Variants in ERMP1 observed in about 807,000 individuals in gnomAD.
ERMP1 encodes Felix-ina.
ERMP1 carries 86 observed loss-of-function variants against 92.0 expected under a neutral mutation model. The observed-to-expected ratio is 0.93, with a 90% CI of 0.79 to 1.12. ERMP1 has a LOEUF of 1.12. ERMP1 is among the 50% of genes most tolerant of loss of function. ERMP1 has a pLI of 0.00. For synonymous variants in ERMP1, 530 were observed against 412.8 expected (o/e 1.28, Z -3.44); for missense variants, 1,342 against 1,116.3 (o/e 1.20, Z -2.88).
At chr9:5,791,311 G>T (rs754156493) in intron 13 of ERMP1, 1 of 456,322 alleles carries the variant, frequency 2.2e-6, no homozygotes, top group East Asian at 6.9e-5. Context: ...GTATGAGACT[G>T]AAGGCAGTCT....
intron 6 of ERMP1, among the ~76,000 whole-genome samples, chr9:5,841,483 G>A (rs923093989): frequency 2.0e-5 from 3 of 152,196 alleles, no homozygotes; most frequent in African/African-American, 4.8e-5. Context: ...AAAAGGTATG[G>A]GGTTTCCTTT....
At chr9:5,842,118 A>G (rs1586835386) in intron 6 of ERMP1, among the ~76,000 whole-genome samples, 1 of 152,202 alleles carries the variant, frequency 6.6e-6, no homozygotes, top group Non-Finnish European at 1.5e-5. Context: ...CAGAAAGAAC[A>G]AAGCCTCCAC....
At chr9:5,855,290 A>G (rs930138594) in intron 6 of ERMP1, among the ~76,000 whole-genome samples, 2 of 152,230 alleles carry the variant, frequency 1.3e-5, no homozygotes, top group African/African-American at 4.8e-5. Flanking sequence ...GTGAAAGATG[A>G]ACTGTGGACA....
intron 6 of ERMP1, among the ~76,000 whole-genome samples, chr9:5,839,595 T>A (rs1398997002): frequency 6.6e-6 from 1 of 152,184 alleles, no homozygotes; most frequent in East Asian, 1.9e-4. Context: ...TCAGCACATC[T>A]AGGTGTGCGC....
chr9:5,838,243 C>T (rs988560672), intron 6 of ERMP1, among the ~76,000 whole-genome samples: 2 of 151,978 alleles, frequency 1.3e-5, no homozygotes, highest in Admixed American at 6.6e-5. Flanking sequence ...GTACCAGGAG[C>T]CTTAAAAGAA....
chr9:5,837,973 T>G (rs1433051550), upstream of ERMP1, among the ~76,000 whole-genome samples: 1 of 151,748 alleles, frequency 6.6e-6, no homozygotes, highest in East Asian at 1.9e-4. Context: ...GGCATGCACC[T>G]GTACTCAGGA....
rs1354681660 is a variant in ERMP1 at position 5,812,986 on chromosome 9, G to A, written c.924C>T (p.His308=). The stretch of plus-strand genomic sequence containing the variant: ...CCTGAGCCACCACAGAAGCAAAAGG[G>A]TGTTTAGCTGCTGAAACATAAGCTT... The part of the protein sequence containing the change: ...LVQAYVSAAK[H]PFASVVAQEV... Residue 308 remains histidine (H), a synonymous_variant, in exon 5 of 15, where the codon CAC becomes CAT. Transcript: ENST00000339450. The A allele has an allele frequency of 1.9e-6, 3 of 1,613,882 alleles. No individual in the cohort carries two copies. In the African/African-American group the frequency reaches 4.0e-5, roughly 22 times the overall value.
rs1828664589 is a variant in ERMP1 at position 5,801,316 on chromosome 9, A to G, written c.1927T>C (p.Tyr643His). Residue 643 changes from tyrosine to histidine, a missense_variant, in exon 11 of 15, where the codon TAC becomes CAC. By Grantham distance (83) the Tyr-to-His change is moderately conservative. Transcript: ENST00000339450. ...ILSSYFINFI[Y>H]LAKSTKKTML... is the part of the protein sequence containing the mutation. Reference sequence around the variant, plus strand: ...GTTTTTTTTGTGCTCTTGGCAAGGTAGATGAAGTTAATCTGAAACACAAAC... The same window carrying G: ...GTTTTTTTTGTGCTCTTGGCAAGGTGGATGAAGTTAATCTGAAACACAAAC... 6.2e-7 allele frequency: 1 copy of G among 1,611,016 alleles called. No individual in the cohort carries two copies.
intron 2 of ERMP1, among the ~76,000 whole-genome samples, chr9:5,825,543 A>C (rs1829700208): frequency 6.6e-6 from 1 of 152,364 alleles, no homozygotes; most frequent in Middle Eastern, 3.4e-3. Flanking sequence ...CAGCAAACCA[A>C]GGCAATCTGT....
In ERMP1 at chr9:5,831,113, TC is replaced by T. The variant is rs1245933550; in HGVS notation, c.339-86del. ...AACTTTTCCACTACACACCCCTTCC[TC>T]CCCAAAAAAGCTTAGTTCTTTGCCT... On this transcript the variant is annotated intron_variant, in intron 1 of 14. Coordinates refer to ENST00000339450, the MANE Select transcript of ERMP1 (RefSeq NM_024896.3). 1.0e-5 allele frequency: 11 copies of T among 1,060,348 alleles called. No homozygotes were observed. The East Asian group carries it at 2.2e-4, about 21-fold the overall frequency. 65.7% of individuals were successfully genotyped at this position (1,060,348 alleles called of 1,614,324 possible).
rs563432239 is a variant in ERMP1, at chr9:5,854,699, A to C, written n.3199+4769T>G. Among the ~76,000 whole-genome samples, 3 of 152,044 alleles carry C rather than the reference A, an allele frequency of 2.0e-5. No individual in the cohort carries two copies. In the East Asian group the frequency reaches 5.8e-4, roughly 29 times the overall value. On this transcript the variant is annotated intron_variant and non_coding_transcript_variant, in intron 6 of 6. Transcript: ENST00000690753. ...CGTCACCATGCCTGGCTAATCTTTCATATTTTTGGTAGATATGGGGTTTTG... is the reference window on the plus strand; with the variant it reads ...CGTCACCATGCCTGGCTAATCTTTCCTATTTTTGGTAGATATGGGGTTTTG...
At chr9:5,822,275 A>G (rs1188105762) in intron 4 of ERMP1, among the ~76,000 whole-genome samples, 2 of 152,056 alleles carry the variant, frequency 1.3e-5, no homozygotes, top group Non-Finnish European at 2.9e-5. Context: ...AAATATATAG[A>G]TATAGATATA....
chr9:5,823,283 A>C (rs566696675), intron 4 of ERMP1, among the ~76,000 whole-genome samples: 1 of 152,138 alleles, frequency 6.6e-6, no homozygotes, highest in African/African-American at 2.4e-5. Flanking sequence ...TCTCTAAAAA[A>C]ACAATAAAAT....
At chr9:5,833,628 G>C (rs1158240473), upstream of ERMP1, among the ~76,000 whole-genome samples, 1 of 152,232 alleles carries the variant, frequency 6.6e-6, no homozygotes, top group Non-Finnish European at 1.5e-5. Flanking sequence ...TACCTGCTAT[G>C]AGCTAAGCGC....
chr9:5,801,713 A>G (rs1274166093), intron 10 of ERMP1, among the ~76,000 whole-genome samples: 3 of 152,274 alleles, frequency 2.0e-5, no homozygotes, highest in Non-Finnish European at 2.9e-5. Context: ...ATCTGTTTGG[A>G]CAAAACTCAA....
Position 5,832,631 on chromosome 9 carries a change from A to G in ERMP1, c.338+59T>C, listed in dbSNP as rs577410194. 1,194 of 1,282,316 alleles carry G rather than the reference A, an allele frequency of 9.3e-4. 2 individuals are homozygous for G. The highest frequency in any genetic ancestry group is 1.1e-3 in the Non-Finnish European group (1,116 of 991,248). 79.4% of individuals were successfully genotyped at this position (1,282,316 alleles called of 1,614,324 possible). A position where few individuals can be genotyped will look rare whatever the true frequency, so the allele number is the denominator to read the frequency against. ...GGTGCACACAGGTGCGGTGCCCCGG[A>G]GCCTGCGCAGGAGCCGCAAACGGAC... On this transcript the variant is annotated intron_variant, in intron 1 of 14. Coordinates refer to ENST00000339450, the MANE Select transcript of ERMP1 (RefSeq NM_024896.3).
At chr9:5,810,607 G>A (rs543285716) in intron 7 of ERMP1, among the ~76,000 whole-genome samples, 21 of 152,162 alleles carry the variant, frequency 1.4e-4, no homozygotes, top group African/African-American at 4.8e-4. Context: ...GTTAAAATAA[G>A]GTAACATAAG....
At chr9:5,850,383 C>T (rs138415418) in intron 6 of ERMP1, among the ~76,000 whole-genome samples, 2 of 103,518 alleles carry the variant, frequency 1.9e-5, no homozygotes, top group South Asian at 3.4e-4. Context: ...CCAGCCTGGG[C>T]GACGAGAATG....
chr9:5,798,218 T>A (rs1828523000), intron 12 of ERMP1, among the ~76,000 whole-genome samples: 1 of 150,864 alleles, frequency 6.6e-6, no homozygotes, highest in Non-Finnish European at 1.5e-5. Flanking sequence ...AGAAAACAAT[T>A]TTTTTTTTTC....
Sources: gnomAD v4.1 joint callset for allele counts (sites outside exome capture counted in the v4.1 genomes callset) on GRCh38, gnomAD v4.1.1 for gene constraint, MANE v1.5 for transcripts, NCBI Gene and HGNC (gene_info 2026-07-23, HGNC 2026-07-21) for gene names.